Variants in CUX2 observed in about 807,000 individuals in gnomAD.
CUX2 encodes the protein cut like homeobox 2, also known as homeobox protein cut-like 2.
A neutral mutation model predicts 144.8 loss-of-function variants in CUX2; 40 were observed. That is an observed-to-expected ratio of 0.28 (90% CI 0.21 to 0.36). The LOEUF (loss-of-function observed/expected upper bound fraction) is 0.36, where lower values mean the gene tolerates loss of function less well. Ranked by LOEUF, CUX2 falls within the 10% of genes least tolerant of loss-of-function variation. CUX2 has a pLI of 1.00. For synonymous variants in CUX2, 827 were observed against 875.6 expected (o/e 0.94, Z 0.98); for missense variants, 1,615 against 1,994.0 (o/e 0.81, Z 3.62).
intron 18 of CUX2, among the ~76,000 whole-genome samples, chr12:111,328,073 AATG>A (rs1352198488): frequency 6.6e-6 from 1 of 151,986 alleles, no homozygotes; most frequent in African/African-American, 2.4e-5. Flanking sequence ...CAATAATAAT[AATG>A]ATGAGGGAAT....
At chr12:111,243,415 T>G (rs1883124933) in intron 3 of CUX2, among the ~76,000 whole-genome samples, 1 of 151,608 alleles carries the variant, frequency 6.6e-6, no homozygotes, top group Admixed American at 6.6e-5. Flanking sequence ...GTGTCCCTGG[T>G]TAGCCCTCCC....
rs574104748 is a variant in CUX2 at position 111,059,360 on chromosome 12, C to T, written c.63+25120C>T. On this transcript the variant is annotated intron_variant, in intron 1 of 21. Coordinates refer to ENST00000261726, the MANE Select transcript of CUX2 (RefSeq NM_015267.4). This position sits in a 1 kb window ranked among gnomAD's most constrained non-coding sequence, Gnocchi z 5.3. ...GCAAACTGGGTAGAAATAACCATAT[C>T]GCCCAAATGTTCTTGATAAGGCTAG... is the stretch of plus-strand genomic sequence containing the variant. Among the ~76,000 whole-genome samples the T allele has an allele frequency of 3.9e-5, 6 of 152,332 alleles. No individual in the cohort carries two copies. The highest frequency in any genetic ancestry group is 9.6e-5 in the African/African-American group (4 of 41,574).
At chr12:111,253,011 G>A (rs1040210642) in intron 3 of CUX2, among the ~76,000 whole-genome samples, 1 of 152,010 alleles carries the variant, frequency 6.6e-6, no homozygotes, top group African/African-American at 2.4e-5. Context: ...TTCCCAAGGA[G>A]CAAATCCTGT....
chr12:111,261,037 A>T (rs1015395841), intron 3 of CUX2, among the ~76,000 whole-genome samples: 1 of 152,178 alleles, frequency 6.6e-6, no homozygotes, highest in African/African-American at 2.4e-5. Context: ...GTTGGCTTGT[A>T]AGGCAGCGGC....
At chr12:111,089,428 T>C (rs897407982) in intron 1 of CUX2, among the ~76,000 whole-genome samples, 8 of 152,184 alleles carry the variant, frequency 5.3e-5, no homozygotes, top group Non-Finnish European at 1.2e-4. Flanking sequence ...AGCCTGTAAT[T>C]TGGAACCCTG....
At chr12:111,211,850 G>GT (rs1405560717) in intron 1 of CUX2, among the ~76,000 whole-genome samples, 1 of 149,580 alleles carries the variant, frequency 6.7e-6, no homozygotes, top group East Asian at 2.0e-4. Flanking sequence ...TGGCGCCACT[G>GT]CACCCCAGCC....
At chr12:111,341,561 G>T (rs1888575438) in intron 20 of CUX2, among the ~76,000 whole-genome samples, 1 of 152,250 alleles carries the variant, frequency 6.6e-6, no homozygotes, top group South Asian at 2.1e-4. Flanking sequence ...TCCCGGGCGG[G>T]CGAGGTTAGG....
chr12:111,154,547 T>G lies in CUX2; in HGVS notation c.64-59653T>G, dbSNP rs995760505. Among the ~76,000 whole-genome samples, 3 of 152,154 alleles carry G rather than the reference T, an allele frequency of 2.0e-5. No individual in the cohort carries two copies. The East Asian group carries it at 5.8e-4, about 29-fold the overall frequency. On this transcript the variant is annotated intron_variant, in intron 1 of 21. Coordinates refer to ENST00000261726, the MANE Select transcript of CUX2 (RefSeq NM_015267.4). ...TATCCATGCCCCCAGACAAGGAAATTGCAAAATATTATTTATGAAGGCAAG... is the reference window on the plus strand; with the variant it reads ...TATCCATGCCCCCAGACAAGGAAATGGCAAAATATTATTTATGAAGGCAAG...
In CUX2 at chr12:111,307,192, C is replaced by G. The variant is rs1886631899; in HGVS notation, c.1051-7C>G. The G allele has an allele frequency of 6.2e-7, 1 of 1,614,044 alleles. No homozygotes were observed. The highest frequency in any genetic ancestry group is 1.3e-5 in the African/African-American group (1 of 74,920). On this transcript the variant is annotated splice_region_variant and splice_polypyrimidine_tract_variant and intron_variant, in intron 11 of 21. Transcript: ENST00000261726. The surrounding 1 kb of genome is among the most constrained non-coding windows in gnomAD (Gnocchi z 4.1). ...ACCAGCCTCACCATCTTTCTTTGCTCTTCTAGAAGCTGGAAGAGAAGCTCC... is the reference window on the plus strand; with the variant it reads ...ACCAGCCTCACCATCTTTCTTTGCTGTTCTAGAAGCTGGAAGAGAAGCTCC...
rs1316955376 is a variant in CUX2 at position 111,320,740 on chromosome 12, A to G, written c.2731A>G (p.Lys911Glu). ...LTRQVKEKLA[K>E]NGICQRIFGE... ...CCGCCAGGTCAAGGAGAAGCTGGCCAAGAACGGCATCTGCCAGAGGATCTT... is the reference window on the plus strand; with the variant it reads ...CCGCCAGGTCAAGGAGAAGCTGGCCGAGAACGGCATCTGCCAGAGGATCTT... The change falls in exon 17 of 22, where the codon AAG (lysine) becomes GAG (glutamate). Residue 911 changes from lysine (K) to glutamate (E), a missense_variant. Lys to Glu is a moderately conservative substitution (Grantham distance 56). Transcript: ENST00000261726. This position sits in a 1 kb window ranked among gnomAD's most constrained non-coding sequence, Gnocchi z 8.1. 1 of 1,582,528 alleles carries G rather than the reference A, an allele frequency of 6.3e-7. No individual in the cohort carries two copies. Among genetic ancestry groups the G allele is most frequent in the South Asian group, 1.1e-5 (1 of 89,650 alleles).
rs1239723659 is a variant in CUX2, at chr12:111,263,866, G to T, written c.301+27G>T. On this transcript the variant is annotated intron_variant, in intron 4 of 21. Coordinates refer to ENST00000261726, the MANE Select transcript of CUX2 (RefSeq NM_015267.4). This position sits in a 1 kb window ranked among gnomAD's most constrained non-coding sequence, Gnocchi z 4.0. ...TAAGAAATGCTTGGGCTCCGTAATT[G>T]AATAGTTAACGACAATAAATAGCCA... 6.3e-7 allele frequency: 1 copy of T among 1,590,842 alleles called. No individual in the cohort carries two copies. Among genetic ancestry groups the T allele is most frequent in the South Asian group, 1.1e-5 (1 of 90,654 alleles).
Position 111,312,301 on chromosome 12 carries a change from A to C in CUX2, c.2002+100A>C. 1 of 1,076,388 alleles carries C rather than the reference A, an allele frequency of 9.3e-7. No individual in the cohort carries two copies. Among genetic ancestry groups the C allele is most frequent in the Non-Finnish European group, 1.3e-6 (1 of 742,688 alleles). The allele number at this position is 1,076,388 out of a possible 1,614,324, so 66.7% of individuals were successfully genotyped here. ...CTTTGTCCACCCCAGAGGGAATCCA[A>C]GGTGGATCAGAACCACCAGAGGCCA... On this transcript the variant is annotated intron_variant, in intron 16 of 21. Transcript: ENST00000261726. This position sits in a 1 kb window ranked among gnomAD's most constrained non-coding sequence, Gnocchi z 4.3.
At chr12:111,284,108 A>G (rs1885259974) in intron 4 of CUX2, among the ~76,000 whole-genome samples, 1 of 151,894 alleles carries the variant, frequency 6.6e-6, no homozygotes, top group South Asian at 2.1e-4. Flanking sequence ...CTCTTGCATC[A>G]AGTTCAACCC....
chr12:111,314,052 G>C (rs1887048287), intron 16 of CUX2, among the ~76,000 whole-genome samples: 1 of 152,230 alleles, frequency 6.6e-6, no homozygotes, highest in Non-Finnish European at 1.5e-5. Flanking sequence ...GTCCCCGGGA[G>C]GGGTGAGGGG....
intron 4 of CUX2, chr12:111,270,400 T>C (rs1384782193): frequency 6.6e-6 from 1 of 152,116 alleles, no homozygotes; most frequent in Non-Finnish European, 1.5e-5. Flanking sequence ...TGTCTGTAAT[T>C]ACGAAAGAAA....
At chr12:111,128,790 C>G (rs1369162235) in intron 1 of CUX2, among the ~76,000 whole-genome samples, 2 of 152,184 alleles carry the variant, frequency 1.3e-5, no homozygotes, top group South Asian at 2.1e-4. Flanking sequence ...GGGGGCCTGT[C>G]GAAGACTCCA....
intron 1 of CUX2, among the ~76,000 whole-genome samples, chr12:111,098,178 T>G (rs1854272263): frequency 6.6e-6 from 1 of 152,150 alleles, no homozygotes; most frequent in Non-Finnish European, 1.5e-5. Flanking sequence ...GGCAAGTGGA[T>G]CACTTGAGGT....
chr12:111,113,405 T>A (rs1207875565), intron 1 of CUX2, among the ~76,000 whole-genome samples: 1 of 152,134 alleles, frequency 6.6e-6, no homozygotes, highest in Non-Finnish European at 1.5e-5. Flanking sequence ...GAAATTTCCT[T>A]GTTGCTGCTC....
intron 1 of CUX2, among the ~76,000 whole-genome samples, chr12:111,106,244 G>A (rs1326103451): frequency 1.3e-5 from 2 of 151,540 alleles, no homozygotes; most frequent in African/African-American, 2.4e-5. Flanking sequence ...CATCCACCTC[G>A]GCCTCACAGA....
Sources: allele counts gnomAD v4.1 joint callset (sites outside exome capture counted in the v4.1 genomes callset), GRCh38; gene constraint gnomAD v4.1.1; non-coding constraint Gnocchi (gnomAD v3.1); transcripts MANE v1.5; gene names NCBI Gene and HGNC (gene_info 2026-07-23, HGNC 2026-07-21).